The following WWP1 variants were observed in gnomAD, a reference collection of about 807,000 sequenced individuals.
WWP1 encodes the protein NEDD4-like E3 ubiquitin-protein ligase WWP1.
WWP1 carries 49 observed loss-of-function variants against 130.6 expected under a neutral mutation model. The ratio of observed to expected loss-of-function variants is 0.38; its 90% CI spans 0.30 to 0.48. WWP1 has a LOEUF of 0.48. Among genes scored for constraint, WWP1 ranks in the 20% least tolerant of loss-of-function variants. The pLI is 0.99. For missense variants in WWP1, 809 were observed against 1,100.6 expected, an observed-to-expected ratio of 0.74 and a Z score of 3.75; for synonymous variants, 332 against 367.8, an observed-to-expected ratio of 0.90 and a Z score of 1.11.
intron 9 of WWP1, among the ~76,000 whole-genome samples, chr8:86,418,903 A>G (rs191040148): frequency 1.2e-4 from 19 of 152,338 alleles, no homozygotes; most frequent in African/African-American, 4.1e-4. Flanking sequence ...AGTATCTTCT[A>G]TTGAAGACCT....
chr8:86,424,707 A>ACTC lies in WWP1; in HGVS notation c.1062-516_1062-515insCTC, dbSNP rs1237712863. ...GCAATCGCAGGCACTCGGCAGGCTG[A>ACTC]GGCGGGAGAATCAGGCAGGGAGGTT... On this transcript the variant is annotated intron_variant, in intron 9 of 24. Coordinates refer to ENST00000517970, the MANE Select transcript of WWP1 (RefSeq NM_007013.4). Among the ~76,000 whole-genome samples, 70 of 151,430 alleles carry ACTC rather than the reference A, an allele frequency of 4.6e-4. 2 individuals are homozygous for ACTC. The South Asian group carries it at 6.5e-3, about 14-fold the overall frequency.
chr8:86,392,568 A>T (rs1807413055), intron 5 of WWP1, among the ~76,000 whole-genome samples: 1 of 152,242 alleles, frequency 6.6e-6, no homozygotes, highest in African/African-American at 2.4e-5. Context: ...ATTTATAATG[A>T]ATAAATCTCT....
At chr8:86,349,032 T>C (rs1343926453) in intron 1 of WWP1, among the ~76,000 whole-genome samples, 1 of 151,944 alleles carries the variant, frequency 6.6e-6, no homozygotes, top group Non-Finnish European at 1.5e-5. Flanking sequence ...AACCAGATCT[T>C]TTTTTTTGAG....
At chr8:86,389,823 G>C (rs1288538371) in intron 5 of WWP1, among the ~76,000 whole-genome samples, 1 of 149,166 alleles carries the variant, frequency 6.7e-6, no homozygotes, top group Non-Finnish European at 1.5e-5. Flanking sequence ...GGCGGCTGGC[G>C]GGGTGGGGGC....
intron 5 of WWP1, among the ~76,000 whole-genome samples, chr8:86,395,352 T>G (rs1807598279): frequency 6.6e-6 from 1 of 152,194 alleles, no homozygotes; most frequent in African/African-American, 2.4e-5. Flanking sequence ...TGAGCATGAC[T>G]GTGTTCAAAT....
At chr8:86,398,303 GT>G in intron 5 of WWP1, 38 bp from the exon 6 acceptor site, 3 of 1,538,598 alleles carry the variant, frequency 1.9e-6, no homozygotes, top group Non-Finnish European at 2.6e-6. Context: ...ATTTTTATAT[GT>G]GGCAAAAGCT....
Position 86,427,694 on chromosome 8 carries a change from C to T in WWP1, c.1209C>T (p.Asn403=), listed in dbSNP as rs1809709533. Residue 403 remains asparagine, a synonymous_variant, in exon 11 of 25, where the codon AAC becomes AAT. Coordinates refer to ENST00000517970, the MANE Select transcript of WWP1 (RefSeq NM_007013.4). ...GAAGAGTTTATTATGTGGATCATAACACCAGAACAACAACGTGGCAGCGGC... is the reference window on the plus strand; with the variant it reads ...GAAGAGTTTATTATGTGGATCATAATACCAGAACAACAACGTGGCAGCGGC... ...DRRRVYYVDH[N]TRTTTWQRPT... is the part of the protein sequence containing the mutation. 1.2e-6 allele frequency: 2 copies of T among 1,613,936 alleles called. No homozygotes were observed. Among genetic ancestry groups the T allele is most frequent in the East Asian group, 2.2e-5 (1 of 44,876 alleles).
In WWP1 at chr8:86,390,462, G is replaced by C. The variant is rs568164898; in HGVS notation, c.335-7880G>C. On this transcript the variant is annotated intron_variant, in intron 5 of 24. Coordinates refer to ENST00000517970, the MANE Select transcript of WWP1 (RefSeq NM_007013.4). ...AATCCCGGCACTTCGGGAGGCCCAG[G>C]CTGGCAGATCACTCGCGGTCAGGAG... 2.0e-5 allele frequency among the ~76,000 whole-genome samples: 3 copies of C among 152,320 alleles called. No individual in the cohort carries two copies. In the East Asian group the frequency reaches 5.8e-4, roughly 29 times the overall value.
At chr8:86,411,073 A>G (rs1808555665) in intron 8 of WWP1, among the ~76,000 whole-genome samples, 1 of 152,166 alleles carries the variant, frequency 6.6e-6, no homozygotes, top group Non-Finnish European at 1.5e-5. Context: ...GGTTCTTGCA[A>G]CCCCTATAGT....
In WWP1 at chr8:86,342,868, C is replaced by T. The variant is rs1047873690; in HGVS notation, c.-177C>T. The T allele has an allele frequency of 3.6e-5, 13 of 365,168 alleles. No individual in the cohort carries two copies. The highest frequency in any genetic ancestry group is 6.4e-5 in the Non-Finnish European group (13 of 204,476). The allele number at this position is 365,168 out of a possible 1,614,324, so 22.6% of individuals were successfully genotyped here. On this transcript the variant is annotated 5_prime_UTR_variant, in exon 1 of 25. Coordinates refer to ENST00000517970, the MANE Select transcript of WWP1 (RefSeq NM_007013.4). Reference sequence around the variant, plus strand: ...GGGCGCGGAAGGGTGAGGGCGCCCGCCGCAGGAGGAGGTGCCGCTGCCGTG... The same window carrying T: ...GGGCGCGGAAGGGTGAGGGCGCCCGTCGCAGGAGGAGGTGCCGCTGCCGTG...
At chr8:86,355,305 G>A (rs1332384093) in intron 1 of WWP1, among the ~76,000 whole-genome samples, 2 of 152,106 alleles carry the variant, frequency 1.3e-5, no homozygotes, top group African/African-American at 2.4e-5. Flanking sequence ...GCAGTTCTGG[G>A]TTTGGCCTGC....
chr8:86,438,364 C>T (rs913978809), intron 16 of WWP1, among the ~76,000 whole-genome samples: 12 of 151,854 alleles, frequency 7.9e-5, no homozygotes, highest in Non-Finnish European at 1.0e-4. Flanking sequence ...ATCTTGTTTA[C>T]GGGTCAACTA....
At chr8:86,442,806 T>G (rs1249176651) in intron 18 of WWP1, 28 bp downstream of exon 18, 1 of 1,557,810 alleles carries the variant, frequency 6.4e-7, no homozygotes, top group Admixed American at 2.1e-5. Context: ...TTATTATTTA[T>G]TTAAGTTTGT....
intron 22 of WWP1, among the ~76,000 whole-genome samples, chr8:86,458,948 T>G (rs1026128203): frequency 6.6e-6 from 1 of 152,032 alleles, no homozygotes; most frequent in Admixed American, 6.6e-5. Context: ...AGGAGAGTAC[T>G]GAGTAAATAA....
intron 24 of WWP1, among the ~76,000 whole-genome samples, chr8:86,463,784 G>A (rs540932243): frequency 1.3e-5 from 2 of 152,234 alleles, no homozygotes; most frequent in South Asian, 4.1e-4. Flanking sequence ...AGACAGGCCA[G>A]GCACGGTGGC....
chr8:86,368,297 T>A (rs568970936), intron 1 of WWP1, among the ~76,000 whole-genome samples: 117 of 152,320 alleles, frequency 7.7e-4, no homozygotes, highest in African/African-American at 2.8e-3. Flanking sequence ...AGCTCTTAAG[T>A]GGCAGAACTG....
At chr8:86,381,114 G>A (rs1824963004) in intron 4 of WWP1, among the ~76,000 whole-genome samples, 1 of 152,038 alleles carries the variant, frequency 6.6e-6, no homozygotes, top group African/African-American at 2.4e-5. Context: ...GAAATAAATA[G>A]GACTGCAAAT....
chr8:86,363,919 A>G (rs1276555664), intron 1 of WWP1, among the ~76,000 whole-genome samples: 1 of 152,110 alleles, frequency 6.6e-6, no homozygotes, highest in African/African-American at 2.4e-5. Context: ...AGTGTACGTG[A>G]AACACATTTT....
chr8:86,422,419 G>C (rs964159930), intron 9 of WWP1, among the ~76,000 whole-genome samples: 6 of 151,416 alleles, frequency 4.0e-5, no homozygotes, highest in Non-Finnish European at 7.4e-5. Flanking sequence ...CTGGAGTGCG[G>C]TGCAATCTTG....
Sources: allele counts gnomAD v4.1 joint callset (sites outside exome capture counted in the v4.1 genomes callset), GRCh38; gene constraint gnomAD v4.1.1; transcripts MANE v1.5; gene names NCBI Gene and HGNC (gene_info 2026-07-23, HGNC 2026-07-21).